Variants in EXPH5 observed in about 807,000 individuals in gnomAD.
EXPH5 encodes exophilin-5.
Under a neutral mutation model 41.1 loss-of-function variants are expected in EXPH5, and 42 were observed. That is an observed-to-expected ratio of 1.02 (90% confidence interval 0.80 to 1.32). The LOEUF (loss-of-function observed/expected upper bound fraction) is 1.32, where lower values mean the gene tolerates loss of function less well. Ranked by LOEUF, EXPH5 falls within the 40% of genes most tolerant of loss-of-function variation. The probability of loss-of-function intolerance (pLI) is 0.00; values close to 1 mark genes in which losing one functional copy is unlikely to be tolerated. For missense variants in EXPH5, 2,298 were observed against 2,314.5 expected (o/e 0.99, Z 0.15); for synonymous variants, 798 against 833.5 (o/e 0.96, Z 0.73).
At chr11:108,576,793 G>GT (rs1292679059) in intron 1 of EXPH5, among the ~76,000 whole-genome samples, 3 of 151,880 alleles carry the variant, frequency 2.0e-5, no homozygotes, top group African/African-American at 4.8e-5. Context: ...TTATAAACTC[G>GT]TTTCCTTATT....
At chr11:108,562,353 G>C (rs2094016315) in intron 1 of EXPH5, among the ~76,000 whole-genome samples, 1 of 150,922 alleles carries the variant, frequency 6.6e-6, no homozygotes, top group Non-Finnish European at 1.5e-5. Context: ...AGCACTTTGG[G>C]AGGTCGAGGT....
At chr11:108,528,349 G>A (rs1163756521) in intron 3 of EXPH5, among the ~76,000 whole-genome samples, 165 bp from the exon 4 acceptor site, 1 of 152,164 alleles carries the variant, frequency 6.6e-6, no homozygotes, top group African/African-American at 2.4e-5. Flanking sequence ...AAAAAAATTA[G>A]AAACTGTTTC....
intron 1 of EXPH5, among the ~76,000 whole-genome samples, chr11:108,584,886 GAA>G (rs745619375): frequency 6.6e-6 from 1 of 152,098 alleles, no homozygotes; most frequent in Non-Finnish European, 1.5e-5. Context: ...ATTCATAAAA[GAA>G]AAAAGTTTGA....
intron 1 of EXPH5, among the ~76,000 whole-genome samples, chr11:108,551,509 CCT>C (rs922939524): frequency 2.0e-5 from 3 of 152,170 alleles, no homozygotes; most frequent in South Asian, 2.1e-4. Context: ...CTGTTTATCT[CCT>C]CTCTGACATC....
intron 1 of EXPH5, among the ~76,000 whole-genome samples, chr11:108,553,663 G>A (rs1162046906): frequency 6.6e-6 from 1 of 152,118 alleles, no homozygotes; most frequent in Non-Finnish European, 1.5e-5. Flanking sequence ...ATTTGTTTTG[G>A]TATCCCCAGG....
In EXPH5 at chr11:108,511,092, A is replaced by T; in HGVS notation, c.4415T>A (p.Val1472Glu). The T allele has an allele frequency of 6.2e-7, 1 of 1,614,056 alleles. No homozygotes were observed. The highest frequency in any genetic ancestry group is 8.5e-7 in the Non-Finnish European group (1 of 1,179,972). The part of the protein sequence containing the change: ...CPQKDHTSTA[V>E]GDGSSGSQPR... Reference sequence around the variant, plus strand: ...CTGTGATCCACTGGAGCCATCACCTACAGCTGTGGATGTGTGATCTTTCTG... The same window carrying T: ...CTGTGATCCACTGGAGCCATCACCTTCAGCTGTGGATGTGTGATCTTTCTG... The change falls in exon 6 of 6, where the codon GTA becomes GAA. Residue 1472 changes from valine to glutamate, a missense_variant. Physicochemically the swap from Val to Glu is moderately radical, Grantham distance 121. Coordinates refer to ENST00000265843, the MANE Select transcript of EXPH5 (RefSeq NM_015065.3).
At chr11:108,591,380 G>A (rs2094127232) in intron 1 of EXPH5, among the ~76,000 whole-genome samples, 1 of 152,132 alleles carries the variant, frequency 6.6e-6, no homozygotes, top group South Asian at 2.1e-4. Flanking sequence ...GCCTGAAGTG[G>A]GTAAGCAGAA....
At chr11:108,532,278 A>G (rs1240018755) in intron 3 of EXPH5, among the ~76,000 whole-genome samples, 1 of 136,044 alleles carries the variant, frequency 7.4e-6, no homozygotes, top group African/African-American at 2.8e-5. Flanking sequence ...CCTGGGATCT[A>G]GCAATCCTCC....
intron 5 of EXPH5, among the ~76,000 whole-genome samples, chr11:108,516,091 C>A (rs527547412): frequency 0.011 from 1,583 of 148,494 alleles, 32 homozygotes; most frequent in African/African-American, 0.037. Flanking sequence ...AAAAAAAAAC[C>A]AGAAAAAAAA....
chr11:108,562,191 A>G (rs1398962828), intron 1 of EXPH5, among the ~76,000 whole-genome samples: 2 of 152,012 alleles, frequency 1.3e-5, no homozygotes, highest in African/African-American at 4.8e-5. Context: ...GGAATTCTCC[A>G]GCATTGATTG....
At chr11:108,537,172 G>GC (rs1427312094) in intron 3 of EXPH5, among the ~76,000 whole-genome samples, 1 of 152,060 alleles carries the variant, frequency 6.6e-6, no homozygotes, top group Admixed American at 6.5e-5. Context: ...GTAATACAAT[G>GC]CCCCCTTTAA....
rs753363076 is a variant in EXPH5, at chr11:108,512,626, A to G, written c.2881T>C (p.Cys961Arg). The G allele has an allele frequency of 1.2e-6, 2 of 1,613,918 alleles. No homozygotes were observed. The highest frequency in any genetic ancestry group is 1.7e-5 in the Admixed American group (1 of 59,996). The change falls in exon 6 of 6, where the codon TGC (cysteine) becomes CGC (arginine). Residue 961 changes from cysteine (C) to arginine (R), a missense_variant. Physicochemically the swap from Cys to Arg is radical, Grantham distance 180. Coordinates refer to ENST00000265843, the MANE Select transcript of EXPH5 (RefSeq NM_015065.3). ...TTCCTAAAAGGAGAGTGTGAATGGCATTTGACATCAACCACTTCATCATGT... is the reference window on the plus strand; with the variant it reads ...TTCCTAAAAGGAGAGTGTGAATGGCGTTTGACATCAACCACTTCATCATGT... ...PTHDEVVDVKCHSHSPFRNER... is the reference protein window; with the variant it reads ...PTHDEVVDVKRHSHSPFRNER...
chr11:108,528,320 C>T, intron 3 of EXPH5, 136 bp from the exon 4 acceptor site: 1 of 607,162 alleles, frequency 1.6e-6, no homozygotes, highest in Non-Finnish European at 2.9e-6. Context: ...AAAGATGTTT[C>T]TTCGTTAGTG....
In EXPH5 at chr11:108,512,169, C is replaced by A; in HGVS notation, c.3338G>T (p.Gly1113Val). 6.2e-7 allele frequency: 1 copy of A among 1,612,166 alleles called. No homozygotes were observed. The highest frequency in any genetic ancestry group is 8.5e-7 in the Non-Finnish European group (1 of 1,179,222). The change falls in exon 6 of 6, where the codon GGA becomes GTA. Residue 1113 changes from glycine to valine, a missense_variant. By Grantham distance (109) the Gly-to-Val change is moderately radical. Transcript: ENST00000265843. ...KSSGSTSVRK[G>V]PLPFLINRAM... ...CCTGTTGATGAGGAATGGAAGTGGT[C>A]CTTTTCTAACGGAAGTAGATCCACT...
At chr11:108,567,846 A>C (rs2094041281) in intron 1 of EXPH5, 1 of 152,114 alleles carries the variant, frequency 6.6e-6, no homozygotes, top group African/African-American at 2.4e-5. Context: ...TGTACAACAT[A>C]TTTAAGCAAA....
At position 108,560,059 on chromosome 11, in the gene EXPH5, C is replaced by T. The variant is rs2094005184; in HGVS notation, c.120-18247G>A. 2.0e-5 allele frequency among the ~76,000 whole-genome samples: 3 copies of T among 152,286 alleles called. No individual in the cohort carries two copies. The South Asian group carries it at 6.2e-4, about 32-fold the overall frequency. ...ACACACACTAGTCAAATATGCAAGC[C>T]AGACGAAAGAACGATAGATCTCAAA... is the stretch of plus-strand genomic sequence containing the variant. On this transcript the variant is annotated intron_variant, in intron 1 of 5. Coordinates refer to ENST00000265843, the MANE Select transcript of EXPH5 (RefSeq NM_015065.3).
the EXPH5 span, among the ~76,000 whole-genome samples, chr11:108,607,041 G>C: frequency 6.6e-6 from 1 of 152,074 alleles, no homozygotes; most frequent in Non-Finnish European, 1.5e-5. Context: ...CTTTGAAATA[G>C]GAATCCGAGA....
chr11:108,558,998 A>G (rs953317160), intron 1 of EXPH5, among the ~76,000 whole-genome samples: 25 of 152,174 alleles, frequency 1.6e-4, no homozygotes, highest in African/African-American at 5.6e-4. Flanking sequence ...GCTTGTACCT[A>G]GCTCAGACCC....
In EXPH5 at chr11:108,509,406, G is replaced by C; in HGVS notation, c.*131C>G. The C allele has an allele frequency of 5.1e-6, 4 of 783,404 alleles. No individual in the cohort carries two copies. Among genetic ancestry groups the C allele is most frequent in the Non-Finnish European group, 7.8e-6 (4 of 511,948 alleles). 48.5% of individuals were successfully genotyped at this position (783,404 alleles called of 1,614,324 possible). A position where few individuals can be genotyped will look rare whatever the true frequency, so the allele number is the denominator to read the frequency against. On this transcript the variant is annotated 3_prime_UTR_variant, in exon 6 of 6. Transcript: ENST00000265843. Reference sequence around the variant, plus strand: ...ATATAGGGTGTGGAGGAAAAAAAAGGAGATGTGGGACATTTCAGAGCAGAC... The same window carrying C: ...ATATAGGGTGTGGAGGAAAAAAAAGCAGATGTGGGACATTTCAGAGCAGAC...
Sources: gnomAD v4.1 joint callset for allele counts (sites outside exome capture counted in the v4.1 genomes callset) on GRCh38, gnomAD v4.1.1 for gene constraint, MANE v1.5 for transcripts, NCBI Gene and HGNC (gene_info 2026-07-23, HGNC 2026-07-21) for gene names.